The following RANBP17 variants were observed in gnomAD, a reference collection of about 807,000 sequenced individuals.
RANBP17 encodes the protein RAN binding protein 17, also known as ran-binding protein 17.
In RANBP17, 158 loss-of-function variants were observed where a neutral mutation model predicts 141.2. The observed-to-expected ratio is 1.12, with a 90% CI of 0.98 to 1.28. The LOEUF (loss-of-function observed/expected upper bound fraction) is 1.28. RANBP17 is among the 50% of genes most tolerant of loss of function. The pLI is 0.00. For missense variants in RANBP17, 1,438 were observed against 1,290.7 expected (o/e 1.11, Z -1.75); for synonymous variants, 430 against 450.0 (o/e 0.96, Z 0.56).
rs1772189896 is a variant in RANBP17, at chr5:170,918,799, G to C, written c.1041G>C (p.Met347Ile). Residue 347 changes from methionine (M) to isoleucine (I), a missense_variant, in exon 10 of 28, where the codon ATG becomes ATC. By Grantham distance (10) the Met-to-Ile change is conservative. Coordinates refer to ENST00000523189, the MANE Select transcript of RANBP17 (RefSeq NM_022897.5). ...ATTATCAGCTGGGAGAATTAGTTAT[G>C]GTGAAGGAATATCCTGAAGTTATTA... ...KTNYQLGELV[M>I]VKEYPEVIRL... is the part of the protein sequence containing the mutation. 1 of 1,605,452 alleles carries C rather than the reference G, an allele frequency of 6.2e-7. No individual in the cohort carries two copies. The highest frequency in any genetic ancestry group is 8.5e-7 in the Non-Finnish European group (1 of 1,174,468).
intron 14 of RANBP17, among the ~76,000 whole-genome samples, chr5:171,142,750 T>G (rs574727096): frequency 2.0e-5 from 3 of 152,316 alleles, no homozygotes; most frequent in Admixed American, 2.0e-4. Flanking sequence ...GCTGGATACT[T>G]TATTTACTTT....
intron 22 of RANBP17, among the ~76,000 whole-genome samples, chr5:171,230,653 C>T (rs1764154959): frequency 6.6e-6 from 1 of 151,874 alleles, no homozygotes; most frequent in Non-Finnish European, 1.5e-5. Context: ...TCCCAGCTAC[C>T]TGGAAGGCTG....
chr5:170,862,031 A>G lies in RANBP17; in HGVS notation c.-3A>G. On this transcript the variant is annotated 5_prime_UTR_variant, in exon 1 of 28. Transcript: ENST00000523189. ...CGGCTGGCCGGCGCCGCCTCCTGGG[A>G]AGATGGCGCTGCACTTCCAGGTCAG... The G allele has an allele frequency of 6.8e-7, 1 of 1,461,032 alleles. No individual in the cohort carries two copies. Among genetic ancestry groups the G allele is most frequent in the Non-Finnish European group, 9.0e-7 (1 of 1,113,338 alleles). The allele number at this position is 1,461,032 out of a possible 1,614,324, so 90.5% of individuals were successfully genotyped here. A position where few individuals can be genotyped will look rare whatever the true frequency, so the allele number is the denominator to read the frequency against.
intron 5 of RANBP17, among the ~76,000 whole-genome samples, chr5:170,907,565 T>G (rs993380223): frequency 6.6e-6 from 1 of 152,002 alleles, no homozygotes; most frequent in African/African-American, 2.4e-5. Flanking sequence ...CCTAAGTTTC[T>G]TTCCATATTA....
intron 14 of RANBP17, among the ~76,000 whole-genome samples, chr5:171,063,975 G>T (rs1784114284): frequency 6.6e-6 from 1 of 152,228 alleles, no homozygotes; most frequent in Non-Finnish European, 1.5e-5. Flanking sequence ...CCAGGTGCGG[G>T]ATATAATCTC....
rs896794245 is a variant in RANBP17 at position 170,931,582 on chromosome 5, G to A, written c.1468+7032G>A. ...TTTAATCCATCTTGAATTGATTTTT[G>A]TATAAGGTGTAAGGAAGGGATCCAG... On this transcript the variant is annotated intron_variant, in intron 12 of 27. Transcript: ENST00000523189. Among the ~76,000 whole-genome samples, 3 of 152,270 alleles carry A rather than the reference G, an allele frequency of 2.0e-5. 1 individual carries two copies. Among genetic ancestry groups the A allele is most frequent in the Non-Finnish European group, 2.9e-5 (2 of 68,024 alleles).
rs184104676 is a variant in RANBP17 at position 171,051,877 on chromosome 5, C to T, written c.1710+83500C>T. 2.7e-3 allele frequency among the ~76,000 whole-genome samples: 407 copies of T among 152,276 alleles called. 1 individual carries two copies. The highest frequency in any genetic ancestry group is 0.01 in the Middle Eastern group (3 of 294). On this transcript the variant is annotated intron_variant, in intron 14 of 27. Coordinates refer to ENST00000523189, the MANE Select transcript of RANBP17 (RefSeq NM_022897.5). ...ATGTAAAAGAGTTTATCTTTCTCCA[C>T]ATCCTTGTTAACATTTGTTATTTTT...
At chr5:171,117,353 G>C (rs1479030854) in intron 14 of RANBP17, among the ~76,000 whole-genome samples, 1 of 151,964 alleles carries the variant, frequency 6.6e-6, no homozygotes, top group Non-Finnish European at 1.5e-5. Flanking sequence ...TTTGATAATA[G>C]CCATCCTAAT....
chr5:171,162,469 G>A (rs1429274626), intron 14 of RANBP17, among the ~76,000 whole-genome samples: 1 of 152,138 alleles, frequency 6.6e-6, no homozygotes, highest in Admixed American at 6.5e-5. Flanking sequence ...AGGAAAGTAA[G>A]GCAAACAGCC....
At chr5:171,212,455 T>A (rs1028003458) in intron 20 of RANBP17, among the ~76,000 whole-genome samples, 6 of 152,168 alleles carry the variant, frequency 3.9e-5, no homozygotes, top group African/African-American at 1.4e-4. Context: ...GGAATGGAGA[T>A]AAGAGCTGGC....
intron 14 of RANBP17, among the ~76,000 whole-genome samples, chr5:171,055,352 T>G (rs1302669172): frequency 2.0e-5 from 3 of 152,170 alleles, no homozygotes; most frequent in Non-Finnish European, 4.4e-5. Context: ...TAGCATGTAC[T>G]AACAGGTGTA....
In RANBP17 at chr5:171,277,988, G is replaced by A. The variant is rs140868671; in HGVS notation, c.2943+12141G>A. On this transcript the variant is annotated intron_variant, in intron 25 of 27. Coordinates refer to ENST00000523189, the MANE Select transcript of RANBP17 (RefSeq NM_022897.5). ...TTTTTTTGATTTTTTAGAACTGATT[G>A]GACAGGAGGTAGACATTTGACCCAA... Among the ~76,000 whole-genome samples, 565 of 106,294 alleles carry A rather than the reference G, an allele frequency of 5.3e-3. 3 individuals are homozygous for A. The highest frequency in any genetic ancestry group is 9.5e-3 in the South Asian group (27 of 2,846). The allele number at this position is 106,294 out of a possible 152,430, so 69.7% of individuals were successfully genotyped here.
At chr5:170,869,615 C>G (rs1458890049) in intron 1 of RANBP17, among the ~76,000 whole-genome samples, 2 of 152,168 alleles carry the variant, frequency 1.3e-5, no homozygotes, top group Non-Finnish European at 2.9e-5. Flanking sequence ...AGAAACATCA[C>G]TCTAGTCTCT....
intron 16 of RANBP17, among the ~76,000 whole-genome samples, chr5:171,179,374 G>T (rs1347867656): frequency 6.6e-6 from 1 of 152,018 alleles, no homozygotes; most frequent in Non-Finnish European, 1.5e-5. Flanking sequence ...GTGTATATGT[G>T]TGTCTGTGTG....
At chr5:171,069,076 TG>T (rs1479616829) in intron 14 of RANBP17, among the ~76,000 whole-genome samples, 4 of 152,202 alleles carry the variant, frequency 2.6e-5, no homozygotes, top group Admixed American at 6.5e-5. Context: ...TTTACCTGAA[TG>T]CCTGGAACCA....
At chr5:170,969,176 T>C (rs1447850700) in intron 14 of RANBP17, among the ~76,000 whole-genome samples, 1 of 151,890 alleles carries the variant, frequency 6.6e-6, no homozygotes, top group Admixed American at 6.6e-5. Context: ...TGTAGTAGTG[T>C]GAAAAAATTT....
intron 14 of RANBP17, among the ~76,000 whole-genome samples, chr5:170,994,142 C>A (rs183313956): frequency 5.3e-5 from 8 of 152,116 alleles, no homozygotes; most frequent in Non-Finnish European, 7.4e-5. Context: ...GCATCTCCCC[C>A]ACCCCACTCC....
intron 14 of RANBP17, among the ~76,000 whole-genome samples, chr5:171,050,711 G>A (rs555931204): frequency 8.4e-4 from 128 of 152,076 alleles, no homozygotes; most frequent in Non-Finnish European, 1.4e-3. Context: ...TAAGAAGAAA[G>A]TAATATTGTT....
At chr5:171,092,698 A>T (rs1786392024) in intron 14 of RANBP17, among the ~76,000 whole-genome samples, 1 of 152,224 alleles carries the variant, frequency 6.6e-6, no homozygotes, top group African/African-American at 2.4e-5. Context: ...GATCTTTTTC[A>T]TATGATAGTG....
Sources: allele counts gnomAD v4.1 joint callset (sites outside exome capture counted in the v4.1 genomes callset), GRCh38; gene constraint gnomAD v4.1.1; transcripts MANE v1.5; gene names NCBI Gene and HGNC (gene_info 2026-07-23, HGNC 2026-07-21).